PRDX4: variants seen among roughly 807,000 people sequenced by gnomAD.
The protein encoded by PRDX4 is peroxiredoxin 4.
Under a neutral mutation model 20.5 loss-of-function variants are expected in PRDX4, and 12 were observed. The observed-to-expected ratio is 0.58, with a 90% CI of 0.37 to 0.95. The LOEUF (loss-of-function observed/expected upper bound fraction) is 0.95. Ranked by LOEUF, PRDX4 falls within the 40% of genes least tolerant of loss-of-function variation. The pLI is 0.01. For missense variants in PRDX4, 180 were observed against 207.3 expected (o/e 0.87, Z 0.81); for synonymous variants, 99 against 87.5 (o/e 1.13, Z -0.73).
chrX:23,669,946 T>A (rs1927813588), intron 1 of PRDX4, among the ~76,000 whole-genome samples: 1 of 109,560 alleles, frequency 9.1e-6, no homozygotes, highest in African/African-American at 3.3e-5. Context: ...TAACTAAAAT[T>A]AAAAAAAATA....
chrX:23,683,654 C>T lies in PRDX4; in HGVS notation c.731-17C>T. 8.3e-7 allele frequency: 1 copy of T among 1,203,102 alleles called. No homozygotes were observed. Among genetic ancestry groups the T allele is most frequent in the Non-Finnish European group, 1.1e-6 (1 of 890,725 alleles). ...TCTGTTTTTAAAATGTCTTCTGCCTCTTTTTGTTTCTTTTAGTCTGCCCTG... is the reference window on the plus strand; with the variant it reads ...TCTGTTTTTAAAATGTCTTCTGCCTTTTTTTGTTTCTTTTAGTCTGCCCTG... On this transcript the variant is annotated splice_polypyrimidine_tract_variant and intron_variant, in intron 5 of 6. Coordinates refer to ENST00000379341, the MANE Select transcript of PRDX4 (RefSeq NM_006406.2).
At position 23,671,688 on chromosome X, in the gene PRDX4, A is replaced by G. The variant is rs781675083; in HGVS notation, c.359+42A>G. ...AATAGCTAGTAAAATCTCAGTCTTT[A>G]TCAATTATTTTTCAGGAGTATCAAA... On this transcript the variant is annotated intron_variant, in intron 2 of 6. Coordinates refer to ENST00000379341, the MANE Select transcript of PRDX4 (RefSeq NM_006406.2). 10 of 995,703 alleles carry G rather than the reference A, an allele frequency of 1.0e-5. No individual in the cohort carries two copies. In the East Asian group the frequency reaches 3.2e-4, roughly 31 times the overall value. The allele number at this position is 995,703 out of a possible 1,213,427, so 82.1% of individuals were successfully genotyped here. A position where few individuals can be genotyped will look rare whatever the true frequency, so the allele number is the denominator to read the frequency against.
chrX:23,673,625 G>A (rs1194727234), intron 2 of PRDX4, among the ~76,000 whole-genome samples: 1 of 110,142 alleles, frequency 9.1e-6, no homozygotes, highest in African/African-American at 3.3e-5. Flanking sequence ...GCGTGGTGGT[G>A]GGCGTTTGTA....
In PRDX4 at chrX:23,667,524, A is replaced by T; in HGVS notation, c.-47A>T. 8.8e-7 allele frequency: 1 copy of T among 1,132,749 alleles called. No homozygotes were observed. Among genetic ancestry groups the T allele is most frequent in the Admixed American group, 2.8e-5 (1 of 35,941 alleles). 93.4% of individuals were successfully genotyped at this position (1,132,749 alleles called of 1,213,427 possible). ...GCGGTTGTAGCTGCCCGGCGGCGGC[A>T]GAAGCGGCGCTCGCGCCAAGGGACG... On this transcript the variant is annotated 5_prime_UTR_variant, in exon 1 of 7. Coordinates refer to ENST00000379341, the MANE Select transcript of PRDX4 (RefSeq NM_006406.2).
intron 4 of PRDX4, 146 bp downstream of exon 4, chrX:23,679,433 C>T (rs1928016787): frequency 4.2e-6 from 3 of 707,627 alleles, no homozygotes; most frequent in Non-Finnish European, 2.0e-6. Context: ...GCCTGTAATC[C>T]TGGCACTTTG....
chrX:23,682,853 A>AAAAATATATATATATAT (rs1555933130), intron 5 of PRDX4, among the ~76,000 whole-genome samples: 1 of 14,872 alleles, frequency 6.7e-5, no homozygotes, highest in Non-Finnish European at 1.3e-4. Context: ...AAAAAAAAAA[A>AAAAATATATATATATAT]ATATATATAT....
At chrX:23,673,661 C>T (rs187819964) in intron 2 of PRDX4, among the ~76,000 whole-genome samples, 2 of 109,576 alleles carry the variant, frequency 1.8e-5, no homozygotes, top group Admixed American at 2.0e-4. Context: ...CAGGCTGAGG[C>T]AGGAGAATTG....
chrX:23,678,640 A>G (rs774011055), intron 3 of PRDX4, among the ~76,000 whole-genome samples: 1 of 111,235 alleles, frequency 9.0e-6, no homozygotes. Context: ...AGAAAAAACA[A>G]AAATGTGTTG....
At chrX:23,672,407 A>C (rs943828542) in intron 2 of PRDX4, among the ~76,000 whole-genome samples, 1 of 112,336 alleles carries the variant, frequency 8.9e-6, no homozygotes, top group Non-Finnish European at 1.9e-5. Flanking sequence ...GGAATAAGGA[A>C]TAACACCTGT....
chrX:23,678,177 G>T (rs1927985915), intron 3 of PRDX4, among the ~76,000 whole-genome samples: 1 of 110,085 alleles, frequency 9.1e-6, no homozygotes, highest in African/African-American at 3.3e-5. Flanking sequence ...TGAGGCAGCA[G>T]AATCACTTGA....
intron 6 of PRDX4, among the ~76,000 whole-genome samples, chrX:23,684,271 A>T (rs1336880493): frequency 4.5e-5 from 5 of 109,906 alleles, no homozygotes; most frequent in Non-Finnish European, 9.5e-5. Context: ...GAAAAAAAAA[A>T]GTAGGGCAGA....
chrX:23,686,091 C>T (rs1182251809), intron 6 of PRDX4, 194 bp from the exon 7 acceptor site: 1 of 467,048 alleles, frequency 2.1e-6, no homozygotes, highest in Non-Finnish European at 3.9e-6. Flanking sequence ...TTAATTTATT[C>T]ACACAAAATA....
At chrX:23,678,840 G>A (rs1928001804) in intron 3 of PRDX4, among the ~76,000 whole-genome samples, 1 of 111,141 alleles carries the variant, frequency 9.0e-6, no homozygotes, top group Non-Finnish European at 1.9e-5. Context: ...TCAGGGGGCT[G>A]AGGCAAGAGG....
intron 5 of PRDX4, among the ~76,000 whole-genome samples, chrX:23,683,284 A>G (rs918838880): frequency 9.0e-6 from 1 of 111,472 alleles, no homozygotes; most frequent in Non-Finnish European, 1.9e-5. Context: ...TCATCAGTAC[A>G]AAGTACTGAA....
At chrX:23,667,959 G>A (rs1373632401) in intron 1 of PRDX4, 148 bp downstream of exon 1, 1 of 805,122 alleles carries the variant, frequency 1.2e-6, no homozygotes, top group Non-Finnish European at 1.7e-6. Flanking sequence ...AGGGCGGGGA[G>A]GGGAATAAAG....
In PRDX4 at chrX:23,679,838, T is replaced by C. The variant is rs1373935050; in HGVS notation, c.599+551T>C. Among the ~76,000 whole-genome samples the C allele has an allele frequency of 5.8e-5, 6 of 103,595 alleles. No individual in the cohort carries two copies. In the South Asian group the frequency reaches 2.6e-3, roughly 45 times the overall value. 90.0% of individuals were successfully genotyped at this position (103,595 alleles called of 115,157 possible). On this transcript the variant is annotated intron_variant, in intron 4 of 6. Coordinates refer to ENST00000379341, the MANE Select transcript of PRDX4 (RefSeq NM_006406.2). Reference sequence around the variant, plus strand: ...TTTACTAAAAAATACAAAAATTAGCTGGGCATAGTGGCATACGCTTGTAGT... The same window carrying C: ...TTTACTAAAAAATACAAAAATTAGCCGGGCATAGTGGCATACGCTTGTAGT...
intron 1 of PRDX4, among the ~76,000 whole-genome samples, chrX:23,669,941 A>G (rs997943584): frequency 1.8e-5 from 2 of 110,735 alleles, no homozygotes; most frequent in African/African-American, 6.6e-5. Context: ...GTAAATAACT[A>G]AAATTAAAAA....
At chrX:23,686,120 A>G in intron 6 of PRDX4, 165 bp from the exon 7 acceptor site, 2 of 468,340 alleles carry the variant, frequency 4.3e-6, no homozygotes, top group Non-Finnish European at 7.7e-6. Context: ...TGTCTTTTGG[A>G]ATAGCCGAAA....
At position 23,675,064 on chromosome X, in the gene PRDX4, T is replaced by C. The variant is rs1927920100; in HGVS notation, c.434T>C (p.Val145Ala). 1 of 1,210,034 alleles carries C rather than the reference T, an allele frequency of 8.3e-7. No homozygotes were observed. The highest frequency in any genetic ancestry group is 1.7e-5 in the African/African-American group (1 of 57,269). ...LEEFRSINTE[V>A]VACSVDSQFT... Reference sequence around the variant, plus strand: ...GAATTCAGATCTATAAATACTGAAGTGGTAGCATGCTCTGTTGATTCACAG... The same window carrying C: ...GAATTCAGATCTATAAATACTGAAGCGGTAGCATGCTCTGTTGATTCACAG... The change falls in exon 3 of 7, where the codon GTG becomes GCG. Residue 145 changes from valine to alanine, a missense_variant. By Grantham distance (64) the Val-to-Ala change is moderately conservative. Around this residue, in one of 3 missense-constraint regions of PRDX4, gnomAD observed 2 missense variants for 16.5 expected, o/e 0.12. Transcript: ENST00000379341.
Sources: gnomAD v4.1 joint callset for allele counts (sites outside exome capture counted in the v4.1 genomes callset) on GRCh38, gnomAD v4.1.1 for gene constraint, gnomAD v4.1.1 regional missense constraint, MANE v1.5 for transcripts, NCBI Gene and HGNC (gene_info 2026-07-23, HGNC 2026-07-21) for gene names.